The following TLR4 variants were observed in gnomAD, a reference collection of about 807,000 sequenced individuals.
TLR4 encodes toll-like receptor 4.
A neutral mutation model predicts 27.4 loss-of-function variants in TLR4; 17 were observed. The observed-to-expected ratio is 0.62, with a 90% CI of 0.42 to 0.93. The LOEUF (loss-of-function observed/expected upper bound fraction) is 0.93, where lower values mean the gene tolerates loss of function less well. Ranked by LOEUF, TLR4 falls within the 40% of genes least tolerant of loss-of-function variation. The pLI, the probability that TLR4 is intolerant of heterozygous loss-of-function variation, is 0.00. For synonymous variants in TLR4, 363 were observed against 365.7 expected (o/e 0.99, Z 0.08); for missense variants, 926 against 962.3 (o/e 0.96, Z 0.50).
Position 117,715,994 on chromosome 9 carries a change from A to C in TLR4, c.*1346A>C, listed in dbSNP as rs1047517597. 5.3e-5 allele frequency: 8 copies of C among 152,268 alleles called. No individual in the cohort carries two copies. The highest frequency in any genetic ancestry group is 5.2e-4 in the Admixed American group (8 of 15,282). The allele number at this position is 152,268 out of a possible 1,614,324, so 9.4% of individuals were successfully genotyped here. ...GGACAATCAGGATGTCATCAGGGAA[A>C]TGAAAATAAAAACCACAATGAGATA... On this transcript the variant is annotated 3_prime_UTR_variant, in exon 3 of 3. Transcript: ENST00000355622.
At position 117,722,047 on chromosome 9, in the gene TLR4, C is replaced by T. The variant is rs1468669314; in HGVS notation, c.*7399C>T. ...GTTGTCATTTTCCCTTCTTTATCAT[C>T]CTGGGTAGCTGAGACCCCACATAAA... On this transcript the variant is annotated 3_prime_UTR_variant, in exon 3 of 3. Coordinates refer to ENST00000355622, the MANE Select transcript of TLR4 (RefSeq NM_138554.5). 1 of 152,158 alleles carries T rather than the reference C, an allele frequency of 6.6e-6. No homozygotes were observed. Among genetic ancestry groups the T allele is most frequent in the Non-Finnish European group, 1.5e-5 (1 of 68,028 alleles). The allele number at this position is 152,158 out of a possible 1,614,324, so 9.4% of individuals were successfully genotyped here.
Position 117,708,870 on chromosome 9 carries a change from A to G in TLR4, c.260+141A>G, listed in dbSNP as rs1829182730. The G allele has an allele frequency of 1.1e-5, 12 of 1,123,518 alleles. No individual in the cohort carries two copies. The South Asian group carries it at 1.6e-4, about 15-fold the overall frequency. 69.6% of individuals were successfully genotyped at this position (1,123,518 alleles called of 1,614,324 possible). On this transcript the variant is annotated intron_variant, in intron 2 of 2. Coordinates refer to ENST00000355622, the MANE Select transcript of TLR4 (RefSeq NM_138554.5). Reference sequence around the variant, plus strand: ...ATACAACAGATGTCTTATTAACTATATAACCTTGAGCAAGCTACCTCTATT... The same window carrying G: ...ATACAACAGATGTCTTATTAACTATGTAACCTTGAGCAAGCTACCTCTATT...
rs1372703541 is a variant in TLR4 at position 117,720,181 on chromosome 9, G to A, written c.*5533G>A. The A allele has an allele frequency of 1.3e-5, 2 of 152,120 alleles. No individual in the cohort carries two copies. Among genetic ancestry groups the A allele is most frequent in the African/African-American group, 4.8e-5 (2 of 41,432 alleles). The allele number at this position is 152,120 out of a possible 1,614,324, so 9.4% of individuals were successfully genotyped here. ...AAGAAACAGATGAAAGGACTGAATTGTTCAATAGGAAGGAGCAGAATCAGG... is the reference window on the plus strand; with the variant it reads ...AAGAAACAGATGAAAGGACTGAATTATTCAATAGGAAGGAGCAGAATCAGG... On this transcript the variant is annotated 3_prime_UTR_variant, in exon 3 of 3. Coordinates refer to ENST00000355622, the MANE Select transcript of TLR4 (RefSeq NM_138554.5).
Position 117,709,744 on chromosome 9 carries a change from C to T in TLR4, c.260+1015C>T, listed in dbSNP as rs193067550. On this transcript the variant is annotated intron_variant, in intron 2 of 2. Coordinates refer to ENST00000355622, the MANE Select transcript of TLR4 (RefSeq NM_138554.5). Reference sequence around the variant, plus strand: ...GCAGACATTTCTGTAGAAGAGTGAGCATACGACCTATTATACTCTAATTTG... The same window carrying T: ...GCAGACATTTCTGTAGAAGAGTGAGTATACGACCTATTATACTCTAATTTG... Among the ~76,000 whole-genome samples the T allele has an allele frequency of 7.2e-5, 11 of 152,140 alleles. No homozygotes were observed. The East Asian group carries it at 1.7e-3, about 24-fold the overall frequency.
rs370421152 is a variant in TLR4, at chr9:117,712,528, G to A, written c.400G>A (p.Val134Met). The A allele has an allele frequency of 1.1e-5, 17 of 1,613,864 alleles. No individual in the cohort carries two copies. The highest frequency in any genetic ancestry group is 2.7e-5 in the African/African-American group (2 of 74,904). ...ATCAAGTTTACAGAAGCTGGTGGCTGTGGAGACAAATCTAGCATCTCTAGA... is the reference window on the plus strand; with the variant it reads ...ATCAAGTTTACAGAAGCTGGTGGCTATGGAGACAAATCTAGCATCTCTAGA... ...GLSSLQKLVA[V>M]ETNLASLENF... The change falls in exon 3 of 3, where the codon GTG (valine) becomes ATG (methionine). Residue 134 changes from valine (V) to methionine (M), a missense_variant. Val to Met is a conservative substitution (Grantham distance 21). Transcript: ENST00000355622.
At chr9:117,708,500 T>C in intron 1 of TLR4, 63 bp from the exon 2 acceptor site, 1 of 1,609,786 alleles carries the variant, frequency 6.2e-7, no homozygotes, top group South Asian at 1.1e-5. Flanking sequence ...ATCTCTGGTC[T>C]AGGAGAGGGG....
Position 117,714,301 on chromosome 9 carries a change from G to A in TLR4, c.2173G>A (p.Glu725Lys). 6.3e-7 allele frequency: 1 copy of A among 1,593,754 alleles called. No homozygotes were observed. Among genetic ancestry groups the A allele is most frequent in the East Asian group, 2.3e-5 (1 of 44,388 alleles). The change falls in exon 3 of 3, where the codon GAA (glutamate) becomes AAA (lysine). Residue 725 changes from glutamate (E) to lysine (K), a missense_variant. Glu to Lys is a moderately conservative substitution (Grantham distance 56). Transcript: ENST00000355622. ...GVAIAANIIHEGFHKSRKVIV... is the reference protein window; with the variant it reads ...GVAIAANIIHKGFHKSRKVIV... ...GGCCATTGCTGCCAACATCATCCAT[G>A]AAGGTTTCCATAAAAGCCGAAAGGT...
rs765289408 is a variant in TLR4, at chr9:117,712,442, C to G, written c.314C>G (p.Ser105Cys). The G allele has an allele frequency of 1.9e-6, 3 of 1,613,954 alleles. No homozygotes were observed. Among genetic ancestry groups the G allele is most frequent in the South Asian group, 2.2e-5 (2 of 91,080 alleles). The change falls in exon 3 of 3, where the codon TCT becomes TGT. Residue 105 changes from serine to cysteine, a missense_variant. Physicochemically the swap from Ser to Cys is moderately radical, Grantham distance 112 (BLOSUM62 -1). Transcript: ENST00000355622. ...GCATATCAGAGCCTAAGCCACCTCTCTACCTTAATATTGACAGGAAACCCC... is the reference window on the plus strand; with the variant it reads ...GCATATCAGAGCCTAAGCCACCTCTGTACCTTAATATTGACAGGAAACCCC... The part of the protein sequence containing the change: ...DGAYQSLSHL[S>C]TLILTGNPIQ...
chr9:117,712,004 G>A (rs5030728), intron 2 of TLR4, among the ~76,000 whole-genome samples: 35,092 of 152,130 alleles, frequency 0.23, 4,568 homozygotes, highest in Middle Eastern at 0.3. Flanking sequence ...GTACCAATCA[G>A]ATGTATAATC....
At chr9:117,710,662 G>A (rs916724862) in intron 2 of TLR4, among the ~76,000 whole-genome samples, 10 of 151,914 alleles carry the variant, frequency 6.6e-5, no homozygotes, top group Admixed American at 3.3e-4. Flanking sequence ...TTGCCTTTTC[G>A]TACAGTGTTC....
Position 117,719,726 on chromosome 9 carries a change from A to C in TLR4, c.*5078A>C, listed in dbSNP as rs1386877543. 1 of 152,148 alleles carries C rather than the reference A, an allele frequency of 6.6e-6. No individual in the cohort carries two copies. Among genetic ancestry groups the C allele is most frequent in the Admixed American group, 6.5e-5 (1 of 15,272 alleles). The allele number at this position is 152,148 out of a possible 1,614,324, so 9.4% of individuals were successfully genotyped here. On this transcript the variant is annotated 3_prime_UTR_variant, in exon 3 of 3. Transcript: ENST00000355622. The stretch of plus-strand genomic sequence containing the variant: ...AGACTTGTGATTAAACACAGAGGTT[A>C]TGGGGGAAGTTCCAAAAGCTTAGGA...
Position 117,714,526 on chromosome 9 carries a change from A to T in TLR4, c.2398A>T (p.Ser800Cys). 6.2e-7 allele frequency: 1 copy of T among 1,613,922 alleles called. No individual in the cohort carries two copies. Among genetic ancestry groups the T allele is most frequent in the Non-Finnish European group, 8.5e-7 (1 of 1,180,004 alleles). ...GAACACTTACCTGGAGTGGGAGGAC[A>T]GTGTCCTGGGGCGGCACATCTTCTG... Reference protein sequence around the residue: ...SRNTYLEWEDSVLGRHIFWRR... With the variant: ...SRNTYLEWEDCVLGRHIFWRR... Residue 800 changes from serine (S) to cysteine (C), a missense_variant, in exon 3 of 3, where the codon AGT (serine) becomes TGT (cysteine). Transcript: ENST00000355622.
Position 117,712,410 on chromosome 9 carries a change from A to C in TLR4, c.282A>C (p.Glu94Asp). 2 of 1,613,888 alleles carry C rather than the reference A, an allele frequency of 1.2e-6. No individual in the cohort carries two copies. The highest frequency in any genetic ancestry group is 1.7e-6 in the Non-Finnish European group (2 of 1,179,874). Reference sequence around the variant, plus strand: ...GTAGGTGTGAAATCCAGACAATTGAAGATGGGGCATATCAGAGCCTAAGCC... The same window carrying C: ...GTAGGTGTGAAATCCAGACAATTGACGATGGGGCATATCAGAGCCTAAGCC... ...DLSRCEIQTI[E>D]DGAYQSLSHL... Residue 94 changes from glutamate to aspartate, a missense_variant, in exon 3 of 3, where the codon GAA (glutamate) becomes GAC (aspartate). Physicochemically the swap from Glu to Asp is conservative, Grantham distance 45. Transcript: ENST00000355622.
At position 117,718,411 on chromosome 9, in the gene TLR4, C is replaced by T. The variant is rs1588097482; in HGVS notation, c.*3763C>T. The T allele has an allele frequency of 6.6e-6, 1 of 152,114 alleles. No homozygotes were observed. Among genetic ancestry groups the T allele is most frequent in the East Asian group, 1.9e-4 (1 of 5,174 alleles). The allele number at this position is 152,114 out of a possible 1,614,324, so 9.4% of individuals were successfully genotyped here. A position where few individuals can be genotyped will look rare whatever the true frequency, so the allele number is the denominator to read the frequency against. Reference sequence around the variant, plus strand: ...ATGATTTATTTATAACCCTATCTTTCCATAAAGGACTTGAAGGAGCTTCAA... The same window carrying T: ...ATGATTTATTTATAACCCTATCTTTTCATAAAGGACTTGAAGGAGCTTCAA... On this transcript the variant is annotated 3_prime_UTR_variant, in exon 3 of 3. Transcript: ENST00000355622.
intron 1 of TLR4, 102 bp downstream of exon 1, chr9:117,704,667 T>C (rs1216791532): frequency 1.2e-5 from 11 of 927,074 alleles, no homozygotes; most frequent in Non-Finnish European, 1.7e-5. Flanking sequence ...AAAAAAAGAG[T>C]TAAATTACCT....
chr9:117,705,580 G>A (rs1483911977), intron 1 of TLR4, among the ~76,000 whole-genome samples: 1 of 152,032 alleles, frequency 6.6e-6, no homozygotes, highest in African/African-American at 2.4e-5. Context: ...TTTTCCCCAT[G>A]TACCTTTTCC....
intron 1 of TLR4, among the ~76,000 whole-genome samples, chr9:117,705,310 A>G (rs1829118811): frequency 6.6e-6 from 1 of 152,196 alleles, no homozygotes; most frequent in Non-Finnish European, 1.5e-5. Flanking sequence ...AACAGCTAAG[A>G]AAATGATTTA....
In TLR4 at chr9:117,723,826, C is replaced by A. The variant is rs1008464907; in HGVS notation, c.*9178C>A. 1 of 152,188 alleles carries A rather than the reference C, an allele frequency of 6.6e-6. No homozygotes were observed. The highest frequency in any genetic ancestry group is 1.5e-5 in the Non-Finnish European group (1 of 68,038). The allele number at this position is 152,188 out of a possible 1,614,324, so 9.4% of individuals were successfully genotyped here. ...AAGCACTTTTGTGGACTAATCCTTG[C>A]AATTATTCTTTCTTCTTTCCCATAC... is the stretch of plus-strand genomic sequence containing the variant. On this transcript the variant is annotated 3_prime_UTR_variant, in exon 3 of 3. Coordinates refer to ENST00000355622, the MANE Select transcript of TLR4 (RefSeq NM_138554.5).
In TLR4 at chr9:117,712,716, G is replaced by A. The variant is rs778458544; in HGVS notation, c.588G>A (p.Arg196=). 40 of 1,613,920 alleles carry A rather than the reference G, an allele frequency of 2.5e-5. No individual in the cohort carries two copies. The highest frequency in any genetic ancestry group is 1.6e-4 in the Middle Eastern group (1 of 6,084). Residue 196 remains arginine (R), a synonymous_variant, in exon 3 of 3, where the codon CGG becomes CGA. Coordinates refer to ENST00000355622, the MANE Select transcript of TLR4 (RefSeq NM_138554.5). ...KIQSIYCTDL[R]VLHQMPLLNL... is the part of the protein sequence containing the mutation. Reference sequence around the variant, plus strand: ...AAAGTATTTATTGCACAGACTTGCGGGTTCTACATCAAATGCCCCTACTCA... The same window carrying A: ...AAAGTATTTATTGCACAGACTTGCGAGTTCTACATCAAATGCCCCTACTCA...
Sources: allele counts gnomAD v4.1 joint callset (sites outside exome capture counted in the v4.1 genomes callset), GRCh38; gene constraint gnomAD v4.1.1; transcripts MANE v1.5; gene names NCBI Gene and HGNC (gene_info 2026-07-23, HGNC 2026-07-21).